The following TAGLN variants were observed in gnomAD, a reference collection of about 807,000 sequenced individuals.
The protein encoded by TAGLN is 22 kDa actin-binding protein.
Under a neutral mutation model 21.9 loss-of-function variants are expected in TAGLN, and 16 were observed. The ratio of observed to expected loss-of-function variants is 0.73; its 90% CI spans 0.49 to 1.11. The LOEUF (loss-of-function observed/expected upper bound fraction) is 1.11. Among genes scored for constraint, TAGLN ranks in the 50% least tolerant of loss-of-function variants. The pLI, the probability that TAGLN is intolerant of heterozygous loss-of-function variation, is 0.00. For synonymous variants in TAGLN, 96 were observed against 94.9 expected, an observed-to-expected ratio of 1.01 and a Z score of -0.06; for missense variants, 248 against 263.2, an observed-to-expected ratio of 0.94 and a Z score of 0.40.
Position 117,205,741 on chromosome 11 carries a change from C to CA in TAGLN, c.*1385dup, listed in dbSNP as rs1373176283. The CA allele has an allele frequency of 5.1e-6, 2 of 388,754 alleles. No homozygotes were observed. Among genetic ancestry groups the CA allele is most frequent in the East Asian group, 7.8e-5 (2 of 25,712 alleles). 24.1% of individuals were successfully genotyped at this position (388,754 alleles called of 1,614,324 possible). A position where few individuals can be genotyped will look rare whatever the true frequency, so the allele number is the denominator to read the frequency against. On this transcript the variant is annotated 3_prime_UTR_variant, in exon 5 of 5. Transcript: ENST00000392951. ...AGAGAGATGAGGATGGAGGCCAAAC[C>CA]AAAGGGGGGCGCCAATCCCCTGTCC...
intron 1 of TAGLN, 117 bp from the exon 2 acceptor site, chr11:117,202,885 C>CAAGTG (rs2031155519): frequency 2.2e-6 from 2 of 911,288 alleles, no homozygotes; most frequent in Non-Finnish European, 3.1e-6. Flanking sequence ...AGTGCTGTGA[C>CAAGTG]AAGTGTCTAG....
At position 117,203,527 on chromosome 11, in the gene TAGLN, G is replaced by A. The variant is rs1221809858; in HGVS notation, c.358+43G>A. ...GGGGGAGGAGGTGGGCAGGAGGACA[G>A]GGTGCTGGGACAGGGAGAGGGAATG... is the stretch of plus-strand genomic sequence containing the variant. On this transcript the variant is annotated intron_variant, in intron 3 of 4. Coordinates refer to ENST00000392951, the MANE Select transcript of TAGLN (RefSeq NM_003186.5). This position sits in a 1 kb window ranked among gnomAD's most constrained non-coding sequence, Gnocchi z 4.4. The A allele has an allele frequency of 6.2e-7, 1 of 1,604,638 alleles. No individual in the cohort carries two copies. Among genetic ancestry groups the A allele is most frequent in the African/African-American group, 1.3e-5 (1 of 74,722 alleles).
Position 117,203,746 on chromosome 11 carries a change from C to G in TAGLN, c.359-36C>G. On this transcript the variant is annotated intron_variant, in intron 3 of 4. Coordinates refer to ENST00000392951, the MANE Select transcript of TAGLN (RefSeq NM_003186.5). This position sits in a 1 kb window ranked among gnomAD's most constrained non-coding sequence, Gnocchi z 4.4. ...TGGCTTGGAGTCTTGTTTATACGTT[C>G]TTGATGTTCATCTCCTCTCTCCTGT... 2 of 1,592,514 alleles carry G rather than the reference C, an allele frequency of 1.3e-6. No individual in the cohort carries two copies. The highest frequency in any genetic ancestry group is 1.7e-6 in the Non-Finnish European group (2 of 1,161,276).
Position 117,205,723 on chromosome 11 carries a change from T to A in TAGLN, c.*1364T>A. On this transcript the variant is annotated 3_prime_UTR_variant, in exon 5 of 5. Coordinates refer to ENST00000392951, the MANE Select transcript of TAGLN (RefSeq NM_003186.5). The stretch of plus-strand genomic sequence containing the variant: ...GGCAGCTGGCTTGGCCCAAGAGAGA[T>A]GAGGATGGAGGCCAAACCAAAGGGG... The A allele has an allele frequency of 2.8e-6, 1 of 354,498 alleles. No individual in the cohort carries two copies. The highest frequency in any genetic ancestry group is 5.1e-6 in the Non-Finnish European group (1 of 197,116). 22.0% of individuals were successfully genotyped at this position (354,498 alleles called of 1,614,324 possible).
intron 1 of TAGLN, chr11:117,201,038 T>C (rs2031071824): frequency 6.6e-6 from 1 of 152,340 alleles, no homozygotes; most frequent in Non-Finnish European, 1.5e-5. Context: ...ACTTGGGGGT[T>C]TGGACCACAG....
At position 117,203,939 on chromosome 11, in the gene TAGLN, C is replaced by A; in HGVS notation, c.461+55C>A. On this transcript the variant is annotated intron_variant, in intron 4 of 4. Transcript: ENST00000392951. The surrounding 1 kb of genome is among the most constrained non-coding windows in gnomAD (Gnocchi z 4.4). ...CGCATGGGGTGGGAGGTGGCTTGTT[C>A]TAAGGAGCTTGCGGGAAGGATTAGG... is the stretch of plus-strand genomic sequence containing the variant. 2.0e-6 allele frequency: 3 copies of A among 1,476,472 alleles called. No individual in the cohort carries two copies. The highest frequency in any genetic ancestry group is 2.8e-6 in the Non-Finnish European group (3 of 1,056,126). 91.5% of individuals were successfully genotyped at this position (1,476,472 alleles called of 1,614,324 possible). A position where few individuals can be genotyped will look rare whatever the true frequency, so the allele number is the denominator to read the frequency against.
chr11:117,204,586 C>A lies in TAGLN; in HGVS notation c.*227C>A. 1.5e-6 allele frequency: 1 copy of A among 666,202 alleles called. No individual in the cohort carries two copies. The highest frequency in any genetic ancestry group is 2.7e-6 in the Non-Finnish European group (1 of 374,702). The allele number at this position is 666,202 out of a possible 1,614,324, so 41.3% of individuals were successfully genotyped here. A position where few individuals can be genotyped will look rare whatever the true frequency, so the allele number is the denominator to read the frequency against. ...CACTGCCTTGGCCCCTCCCTCCCGG[C>A]TGCCCCCATCACCTCTACTGTCTCC... On this transcript the variant is annotated 3_prime_UTR_variant, in exon 5 of 5. Coordinates refer to ENST00000392951, the MANE Select transcript of TAGLN (RefSeq NM_003186.5).
Position 117,204,357 on chromosome 11 carries a change from T to TAA in TAGLN, c.605_606insAA (p.Ter202=). ...CGGACGACCTCGGCAGATCATCAGT[T>TAA]AGAGCGGAGAGGGCTAGCCCTGAGC... The part of the protein sequence containing the change: ...GYGRPRQIIS[*] Residue 202 remains the stop codon, a frameshift_variant and stop_retained_variant, in exon 5 of 5, where the codon TAG becomes TAAAG. Coordinates refer to ENST00000392951, the MANE Select transcript of TAGLN (RefSeq NM_003186.5). LOFTEE classifies it high-confidence loss of function. 1 of 1,614,188 alleles carries TAA rather than the reference T, an allele frequency of 6.2e-7. No homozygotes were observed.
At position 117,203,753 on chromosome 11, in the gene TAGLN, T is replaced by C; in HGVS notation, c.359-29T>C. 6.2e-7 allele frequency: 1 copy of C among 1,602,088 alleles called. No individual in the cohort carries two copies. Among genetic ancestry groups the C allele is most frequent in the Admixed American group, 1.7e-5 (1 of 59,856 alleles). ...GAGTCTTGTTTATACGTTCTTGATG[T>C]TCATCTCCTCTCTCCTGTCTTCTCA... On this transcript the variant is annotated intron_variant, in intron 3 of 4. Transcript: ENST00000392951. The surrounding 1 kb of genome is among the most constrained non-coding windows in gnomAD (Gnocchi z 4.4).
At chr11:117,202,676 C>T (rs1213863342) in intron 1 of TAGLN, 1 of 175,488 alleles carries the variant, frequency 5.7e-6, no homozygotes, top group African/African-American at 2.4e-5. Context: ...TCATTTGTTA[C>T]ATATTGTCTA....
intron 1 of TAGLN, chr11:117,200,226 G>C (rs2031032616): frequency 6.6e-6 from 1 of 152,184 alleles, no homozygotes; most frequent in African/African-American, 2.4e-5. Context: ...GTGGAGAGGA[G>C]CCACCCTCCT....
Position 117,204,569 on chromosome 11 carries a change from T to G in TAGLN, c.*210T>G. On this transcript the variant is annotated 3_prime_UTR_variant, in exon 5 of 5. Transcript: ENST00000392951. ...TTCTTACCCGAAAGCATCACTGCCT[T>G]GGCCCCTCCCTCCCGGCTGCCCCCA... is the stretch of plus-strand genomic sequence containing the variant. 1.3e-6 allele frequency: 1 copy of G among 745,656 alleles called. No homozygotes were observed. Among genetic ancestry groups the G allele is most frequent in the Non-Finnish European group, 2.3e-6 (1 of 435,956 alleles). 46.2% of individuals were successfully genotyped at this position (745,656 alleles called of 1,614,324 possible).
chr11:117,203,250 C>T lies in TAGLN; in HGVS notation c.180+57C>T. On this transcript the variant is annotated intron_variant, in intron 2 of 4. Coordinates refer to ENST00000392951, the MANE Select transcript of TAGLN (RefSeq NM_003186.5). The surrounding 1 kb of genome is among the most constrained non-coding windows in gnomAD (Gnocchi z 4.4). ...GGCTGGGGTGTGCCACCCTGTGAGT[C>T]CTGGGCCAATCCCTGAGCTGACTGC... 6.2e-7 allele frequency: 1 copy of T among 1,604,454 alleles called. No homozygotes were observed. The highest frequency in any genetic ancestry group is 8.5e-7 in the Non-Finnish European group (1 of 1,172,864).
rs1414668344 is a variant in TAGLN, at chr11:117,206,512, C to A, written c.*2153C>A. The A allele has an allele frequency of 2.1e-6, 2 of 935,060 alleles. No homozygotes were observed. The highest frequency in any genetic ancestry group is 5.4e-5 in the East Asian group (2 of 37,178). 57.9% of individuals were successfully genotyped at this position (935,060 alleles called of 1,614,324 possible). ...TGCCCCCTCCCCCGACAAGGCCTGT[C>A]CTGTAAGAGTTAGGCTAGCAGGGTA... On this transcript the variant is annotated 3_prime_UTR_variant, in exon 5 of 5. Transcript: ENST00000392951.
At chr11:117,200,829 C>T (rs1289037903) in intron 1 of TAGLN, among the ~76,000 whole-genome samples, 2 of 152,088 alleles carry the variant, frequency 1.3e-5, no homozygotes, top group African/African-American at 4.8e-5. Context: ...GACACACTCT[C>T]CTTCCATCCT....
At chr11:117,204,073 A>G (rs1017341010) in intron 4 of TAGLN, 142 bp from the exon 5 acceptor site, 3 of 1,311,720 alleles carry the variant, frequency 2.3e-6, no homozygotes, top group African/African-American at 1.5e-5. Flanking sequence ...CAGTCTCCCT[A>G]GCCTATGAGG....
At chr11:117,199,653 T>C (rs1389891475) in intron 1 of TAGLN, 3 of 152,208 alleles carry the variant, frequency 2.0e-5, no homozygotes, top group African/African-American at 7.2e-5. Context: ...CCCGGGCTCA[T>C]TGAAATGCCC....
Position 117,204,998 on chromosome 11 carries a change from G to A in TAGLN, c.*639G>A, listed in dbSNP as rs2031286070. 1 of 197,976 alleles carries A rather than the reference G, an allele frequency of 5.1e-6. No homozygotes were observed. Among genetic ancestry groups the A allele is most frequent in the South Asian group, 1.9e-4 (1 of 5,320 alleles). 12.3% of individuals were successfully genotyped at this position (197,976 alleles called of 1,614,324 possible). ...GGAGAGTGAATCTTGGGGACCGAAGGGAAAAAGGAGCCACTCAGCAGCATG... is the reference window on the plus strand; with the variant it reads ...GGAGAGTGAATCTTGGGGACCGAAGAGAAAAAGGAGCCACTCAGCAGCATG... On this transcript the variant is annotated 3_prime_UTR_variant, in exon 5 of 5. Coordinates refer to ENST00000392951, the MANE Select transcript of TAGLN (RefSeq NM_003186.5).
In TAGLN at chr11:117,203,396, G is replaced by T; in HGVS notation, c.270G>T (p.Gln90His). 1 of 1,614,232 alleles carries T rather than the reference G, an allele frequency of 6.2e-7. No individual in the cohort carries two copies. Among genetic ancestry groups the T allele is most frequent in the African/African-American group, 1.3e-5 (1 of 75,056 alleles). ...ACCCACCCTCCATGGTCTTCAAGCAGATGGAGCAGGTGGCTCAGTTCCTGA... is the reference window on the plus strand; with the variant it reads ...ACCCACCCTCCATGGTCTTCAAGCATATGGAGCAGGTGGCTCAGTTCCTGA... ...PENPPSMVFK[Q>H]MEQVAQFLKA... Residue 90 changes from glutamine (Q) to histidine (H), a missense_variant, in exon 3 of 5, where the codon CAG (glutamine) becomes CAT (histidine). Transcript: ENST00000392951. The surrounding 1 kb of genome is among the most constrained non-coding windows in gnomAD (Gnocchi z 4.4).
Sources: allele counts gnomAD v4.1 joint callset (sites outside exome capture counted in the v4.1 genomes callset), GRCh38; gene constraint gnomAD v4.1.1; non-coding constraint Gnocchi (gnomAD v3.1); transcripts MANE v1.5; gene names NCBI Gene and HGNC (gene_info 2026-07-23, HGNC 2026-07-21).